NKAP: variants seen among roughly 807,000 people sequenced by gnomAD.
The protein encoded by NKAP is NF-kappa-B-activating protein.
NKAP carries 4 observed loss-of-function variants against 35.6 expected under a neutral mutation model. The ratio of observed to expected loss-of-function variants is 0.11; its 90% CI spans 0.06 to 0.26. The LOEUF (loss-of-function observed/expected upper bound fraction) is 0.26, where lower values mean the gene tolerates loss of function less well. Ranked by LOEUF, NKAP falls within the 10% of genes least tolerant of loss-of-function variation. The probability of loss-of-function intolerance (pLI) is 1.00; values close to 1 mark genes in which losing one functional copy is unlikely to be tolerated. For missense variants in NKAP, 238 were observed against 321.9 expected, an observed-to-expected ratio of 0.74 and a Z score of 1.99; for synonymous variants, 106 against 119.2, an observed-to-expected ratio of 0.89 and a Z score of 0.72.
At chrX:119,931,874 G>T in intron 7 of NKAP, 62 bp downstream of exon 7, 1 of 880,855 alleles carries the variant, frequency 1.1e-6, no homozygotes, top group Non-Finnish European at 1.6e-6. Flanking sequence ...AGCTTGGCAA[G>T]GTAAGTTAGA....
intron 8 of NKAP, among the ~76,000 whole-genome samples, chrX:119,927,341 AATTTT>A (rs1372793022): frequency 4.6e-5 from 5 of 108,608 alleles, no homozygotes; most frequent in Non-Finnish European, 7.6e-5. Flanking sequence ...TTGGGCTCTG[AATTTT>A]ATTTTATTTT....
chrX:119,931,791 T>A, intron 7 of NKAP, 145 bp downstream of exon 7: 1 of 508,221 alleles, frequency 2.0e-6, no homozygotes, highest in Non-Finnish European at 3.4e-6. Flanking sequence ...AAAGTGCACA[T>A]TAAGCCCAGG....
intron 1 of NKAP, among the ~76,000 whole-genome samples, chrX:119,942,244 G>C (rs1169962049): frequency 1.8e-5 from 2 of 110,975 alleles, no homozygotes; most frequent in African/African-American, 6.6e-5. Context: ...AGGCCAACGT[G>C]GGAGGATCAC....
chrX:119,930,311 G>T, intron 7 of NKAP, 146 bp from the exon 8 acceptor site: 1 of 525,896 alleles, frequency 1.9e-6, no homozygotes. Context: ...GTGCTAGGAA[G>T]CTCAATGTGA....
intron 6 of NKAP, 25 bp from the exon 7 acceptor site, chrX:119,932,036 C>T (rs759459862): frequency 4.3e-5 from 51 of 1,183,928 alleles, no homozygotes. Context: ...TTAAGAAACA[C>T]ATTCACATTC....
At chrX:119,936,852 A>G in intron 2 of NKAP, 170 bp from the exon 3 acceptor site, 1 of 415,209 alleles carries the variant, frequency 2.4e-6, no homozygotes, top group Non-Finnish European at 4.2e-6. Flanking sequence ...AAAAACCAAA[A>G]CAACAACAAA....
intron 4 of NKAP, among the ~76,000 whole-genome samples, chrX:119,935,706 TA>T (rs890296214): frequency 1.1e-4 from 12 of 111,386 alleles, no homozygotes; most frequent in African/African-American, 3.6e-4. Context: ...TGTAATGTGT[TA>T]ACCTCAGAGG....
chrX:119,930,767 G>T lies in NKAP; in HGVS notation c.924-602C>A, dbSNP rs12842566. ...TGGGAGGCAGAGGTTGCAGTGAGCCGAGATCGTGTCACTGCACTCCAGCCT... is the reference window on the plus strand; with the variant it reads ...TGGGAGGCAGAGGTTGCAGTGAGCCTAGATCGTGTCACTGCACTCCAGCCT... On this transcript the variant is annotated intron_variant, in intron 7 of 8. Transcript: ENST00000371410. 5.6e-5 allele frequency among the ~76,000 whole-genome samples: 6 copies of T among 107,563 alleles called. No homozygotes were observed. In the East Asian group the frequency reaches 1.8e-3, roughly 32 times the overall value. 93.4% of individuals were successfully genotyped at this position (107,563 alleles called of 115,157 possible).
chrX:119,928,382 C>A (rs1020104526), intron 8 of NKAP, among the ~76,000 whole-genome samples: 1 of 111,836 alleles, frequency 8.9e-6, no homozygotes, highest in East Asian at 2.8e-4. Context: ...CAAATGTTTT[C>A]TTCTTATTTA....
In NKAP at chrX:119,932,455, T is replaced by A. The variant is rs758683171; in HGVS notation, c.738-239A>T. ...AAACAGAGCAAGACCCCGTCTCTATTAAAAAAAAAAAAAAGTAGCTGGGTG... is the reference window on the plus strand; with the variant it reads ...AAACAGAGCAAGACCCCGTCTCTATAAAAAAAAAAAAAAAGTAGCTGGGTG... On this transcript the variant is annotated intron_variant, in intron 5 of 8. Coordinates refer to ENST00000371410, the MANE Select transcript of NKAP (RefSeq NM_024528.4). 1,885 of 183,244 alleles carry A rather than the reference T, an allele frequency of 0.01. 50 individuals are homozygous for A. The highest frequency in any genetic ancestry group is 0.062 in the African/African-American group (1,748 of 28,413). The allele number at this position is 183,244 out of a possible 1,213,427, so 15.1% of individuals were successfully genotyped here.
At chrX:119,936,858 A>G (rs2056769352) in intron 2 of NKAP, 176 bp from the exon 3 acceptor site, 3 of 405,770 alleles carry the variant, frequency 7.4e-6, no homozygotes, top group Non-Finnish European at 1.3e-5. Flanking sequence ...CAAAACAACA[A>G]CAAAGCAAGC....
Position 119,943,376 on chromosome X carries a change from C to T in NKAP, c.230G>A (p.Arg77Gln). The change falls in exon 1 of 9, where the codon CGG becomes CAG. Residue 77 changes from arginine (R) to glutamine (Q), a missense_variant. By Grantham distance (43) the Arg-to-Gln change is conservative. Transcript: ENST00000371410. Reference sequence around the variant, plus strand: ...AGAGGGCCGCTCTCTAGAACGCGACCGCGAGCGTGAGCGGTAGGACTGGTT... The same window carrying T: ...AGAGGGCCGCTCTCTAGAACGCGACTGCGAGCGTGAGCGGTAGGACTGGTT... The part of the protein sequence containing the change: ...SRNQSYRSRS[R>Q]SRSRERPSAP... 1 of 1,211,820 alleles carries T rather than the reference C, an allele frequency of 8.3e-7. No homozygotes were observed. The highest frequency in any genetic ancestry group is 1.1e-6 in the Non-Finnish European group (1 of 895,309).
chrX:119,926,296 T>C (rs1369156890), intron 8 of NKAP, among the ~76,000 whole-genome samples: 1 of 109,709 alleles, frequency 9.1e-6, no homozygotes, highest in African/African-American at 3.3e-5. Flanking sequence ...TCTTAAAGTC[T>C]GGCTCTGTCA....
rs2056806748 is a variant in NKAP, at chrX:119,943,741, G to A, written c.-136C>T. ...TGAGGAAACCTTGGACACAGTTCTG[G>A]GTACTTCTGCAAAACCCTTCCCCGG... On this transcript the variant is annotated 5_prime_UTR_variant, in exon 1 of 9. Transcript: ENST00000371410. 1.4e-6 allele frequency: 1 copy of A among 734,928 alleles called. No individual in the cohort carries two copies. 60.6% of individuals were successfully genotyped at this position (734,928 alleles called of 1,213,427 possible).
At chrX:119,936,817 T>C (rs1288612354) in intron 2 of NKAP, 135 bp from the exon 3 acceptor site, 1 of 476,573 alleles carries the variant, frequency 2.1e-6, no homozygotes, top group Non-Finnish European at 3.6e-6. Flanking sequence ...GCATTGGAGA[T>C]CCTAAGGCAG....
chrX:119,931,008 G>A (rs999720699), intron 7 of NKAP, among the ~76,000 whole-genome samples: 2 of 108,957 alleles, frequency 1.8e-5, no homozygotes. Flanking sequence ...CGGGCGTGGC[G>A]GCAGGCGCCT....
Position 119,921,425 on chromosome X carries a change from T to A in NKAP, c.*3795A>T, listed in dbSNP as rs1354024715. 9.2e-6 allele frequency: 1 copy of A among 109,259 alleles called. No individual in the cohort carries two copies. Among genetic ancestry groups the A allele is most frequent in the Non-Finnish European group, 1.9e-5 (1 of 52,656 alleles). 9.0% of individuals were successfully genotyped at this position (109,259 alleles called of 1,213,427 possible). On this transcript the variant is annotated 3_prime_UTR_variant, in exon 9 of 9. Coordinates refer to ENST00000371410, the MANE Select transcript of NKAP (RefSeq NM_024528.4). The stretch of plus-strand genomic sequence containing the variant: ...AACACAAAATATGAAAGACAATTGA[T>A]ATGGTACTGAAATTTTTCTTTTTTA...
intron 1 of NKAP, 79 bp downstream of exon 1, chrX:119,943,141 T>C: frequency 9.1e-7 from 1 of 1,101,985 alleles, no homozygotes; most frequent in East Asian, 3.1e-5. Context: ...ATGCGAATAG[T>C]CAGAAGCGGA....
At position 119,923,008 on chromosome X, in the gene NKAP, C is replaced by A. The variant is rs1006899549; in HGVS notation, c.*2212G>T. The A allele has an allele frequency of 1.8e-5, 2 of 110,274 alleles. No homozygotes were observed. Among genetic ancestry groups the A allele is most frequent in the Admixed American group, 2.0e-4 (2 of 10,203 alleles). The allele number at this position is 110,274 out of a possible 1,213,427, so 9.1% of individuals were successfully genotyped here. On this transcript the variant is annotated 3_prime_UTR_variant, in exon 9 of 9. Transcript: ENST00000371410. ...GGCAGATCACTTGAGGTCAGGAGTTCGAGACCAGCCTGGCCAAGATGGCGA... is the reference window on the plus strand; with the variant it reads ...GGCAGATCACTTGAGGTCAGGAGTTAGAGACCAGCCTGGCCAAGATGGCGA...
Sources: allele counts gnomAD v4.1 joint callset (sites outside exome capture counted in the v4.1 genomes callset), GRCh38; gene constraint gnomAD v4.1.1; transcripts MANE v1.5; gene names NCBI Gene and HGNC (gene_info 2026-07-23, HGNC 2026-07-21).